Variants in MACF1 observed in about 807,000 individuals in gnomAD.
MACF1 encodes the protein microtubule-actin cross-linking factor 1.
A neutral mutation model predicts 854.8 loss-of-function variants in MACF1; 193 were observed. That is an observed-to-expected ratio of 0.23 (90% CI 0.20 to 0.25). The LOEUF is 0.25. MACF1 is among the 10% of genes least tolerant of loss of function. The probability of loss-of-function intolerance (pLI) is 1.00; values close to 1 mark genes in which losing one functional copy is unlikely to be tolerated. For missense variants in MACF1, 7,722 were observed against 8,929.1 expected (o/e 0.86, Z 5.45); for synonymous variants, 3,185 against 3,226.7 (o/e 0.99, Z 0.44).
chr1:39,479,785 A>G lies in MACF1; in HGVS notation c.21959-13A>G. On this transcript the variant is annotated splice_polypyrimidine_tract_variant and intron_variant, in intron 97 of 100. Coordinates refer to ENST00000564288, the MANE Select transcript of MACF1 (RefSeq NM_001394062.1). The stretch of plus-strand genomic sequence containing the variant: ...AAGAACTGACATTGTGTGTGTGTTT[A>G]TTTCCTTTTTAGCACGAGGTAGAAC... 6.2e-7 allele frequency: 1 copy of G among 1,611,192 alleles called. No homozygotes were observed.
At chr1:39,117,535 TG>T (rs1642578880) in intron 2 of MACF1, among the ~76,000 whole-genome samples, 1 of 68,734 alleles carries the variant, frequency 1.5e-5, no homozygotes, top group African/African-American at 3.4e-5. Flanking sequence ...CTGCAAGAGG[TG>T]TGTGTGTGTG....
chr1:39,445,585 T>G (rs1261543590), intron 80 of MACF1, among the ~76,000 whole-genome samples: 1 of 151,592 alleles, frequency 6.6e-6, no homozygotes, highest in Non-Finnish European at 1.5e-5. Flanking sequence ...GAGAGAAGCA[T>G]TAATTTCCTA....
rs1396139786 is a variant in MACF1, at chr1:39,333,107, A to G, written c.6519A>G (p.Glu2173=). The change falls in exon 37 of 101, where the codon GAA becomes GAG. Residue 2173 remains glutamate, a synonymous_variant. Coordinates refer to ENST00000564288, the MANE Select transcript of MACF1 (RefSeq NM_001394062.1). ...ACACTTCCTTTACATGTCAGAATGA[A>G]CAAGCACACACTCTTGAGACTGAAT... ...LRNTSFTCQN[E]QAHTLETEYI... is the part of the protein sequence containing the mutation. 1.2e-6 allele frequency: 2 copies of G among 1,614,172 alleles called. No homozygotes were observed. The highest frequency in any genetic ancestry group is 2.2e-5 in the South Asian group (2 of 91,082).
chr1:39,201,601 C>A (rs1644390517), upstream of MACF1, among the ~76,000 whole-genome samples: 1 of 152,142 alleles, frequency 6.6e-6, no homozygotes, highest in African/African-American at 2.4e-5. Flanking sequence ...ATCCACCTGC[C>A]TCGGCCTCCC....
intron 1 of MACF1, among the ~76,000 whole-genome samples, chr1:39,214,656 G>C (rs542937388): frequency 2.6e-5 from 4 of 152,348 alleles, no homozygotes; most frequent in African/African-American, 7.2e-5. Flanking sequence ...ACTCTGTAAA[G>C]TAGGTGGAAT....
chr1:39,156,598 G>T (rs1231652907), intron 2 of MACF1, among the ~76,000 whole-genome samples: 2 of 152,114 alleles, frequency 1.3e-5, no homozygotes, highest in Non-Finnish European at 2.9e-5. Flanking sequence ...CAGCCTGGGT[G>T]ACAGAACAAG....
intron 61 of MACF1, among the ~76,000 whole-genome samples, chr1:39,425,901 A>G (rs562796054): frequency 2.0e-4 from 30 of 152,210 alleles, no homozygotes; most frequent in African/African-American, 6.7e-4. Context: ...CTTTCCTTCT[A>G]CTTTACTTGT....
At position 39,251,920 on chromosome 1, in the gene MACF1, G is replaced by A. The variant is rs148817607; in HGVS notation, c.336G>A (p.Ala112=). ...SWCHTNNEEQ[A]EEDDDDVPRE... is the part of the protein sequence containing the mutation. ...GCCATACAAACAACGAGGAGCAGGC[G>A]GAGGAAGATGATGATGATGTAGTAG... is the stretch of plus-strand genomic sequence containing the variant. Residue 112 remains alanine (A), a synonymous_variant, in exon 4 of 101, where the codon GCG becomes GCA. Transcript: ENST00000564288. The A allele has an allele frequency of 2.7e-4, 415 of 1,515,350 alleles. 2 individuals are homozygous for A. In the African/African-American group the frequency reaches 4.9e-3, roughly 18 times the overall value. 93.9% of individuals were successfully genotyped at this position (1,515,350 alleles called of 1,614,324 possible).
chr1:39,396,355 G>GT (rs1642274542), intron 58 of MACF1, among the ~76,000 whole-genome samples: 1 of 149,664 alleles, frequency 6.7e-6, no homozygotes, highest in Non-Finnish European at 1.5e-5. Flanking sequence ...AAATATATCT[G>GT]TAACCAAAGA....
intron 40 of MACF1, among the ~76,000 whole-genome samples, chr1:39,346,235 G>C (rs972477143): frequency 1.3e-5 from 2 of 151,558 alleles, no homozygotes; most frequent in Non-Finnish European, 2.9e-5. Flanking sequence ...GGTGGCGGGC[G>C]CCTGTAGTCC....
In MACF1 at chr1:39,385,337, C is replaced by T. The variant is rs112451431; in HGVS notation, c.13849-97C>T. The T allele has an allele frequency of 0.045, 60,377 of 1,349,154 alleles. 1,604 individuals are homozygous for T. The highest frequency in any genetic ancestry group is 0.098 in the African/African-American group (6,718 of 68,608). The allele number at this position is 1,349,154 out of a possible 1,614,324, so 83.6% of individuals were successfully genotyped here. A position where few individuals can be genotyped will look rare whatever the true frequency, so the allele number is the denominator to read the frequency against. Reference sequence around the variant, plus strand: ...CCCACCTCGGCCTCCCAAAGTGCTGCGATTACAGGCATGAGCCACTGTGCC... The same window carrying T: ...CCCACCTCGGCCTCCCAAAGTGCTGTGATTACAGGCATGAGCCACTGTGCC... On this transcript the variant is annotated intron_variant, in intron 56 of 100. Transcript: ENST00000564288.
chr1:39,411,736 T>G, intron 58 of MACF1: 1 of 1,613,920 alleles, frequency 6.2e-7, no homozygotes, highest in Non-Finnish European at 8.5e-7. Context: ...GAATCAAATC[T>G]CTTCTGAAGG....
chr1:39,260,898 C>T (rs1645156243), intron 6 of MACF1, among the ~76,000 whole-genome samples: 1 of 152,010 alleles, frequency 6.6e-6, no homozygotes. Context: ...TCTTTTCCTA[C>T]ACACACAGAG....
intron 58 of MACF1, among the ~76,000 whole-genome samples, chr1:39,393,866 A>AG (rs775783891): frequency 2.3e-4 from 33 of 142,654 alleles, no homozygotes; most frequent in Admixed American, 1.4e-3. Context: ...AGAGAGAGAG[A>AG]AAGAAAGAGA....
intron 2 of MACF1, among the ~76,000 whole-genome samples, chr1:39,235,367 AGCCTGCAATCG>A: frequency 6.6e-6 from 1 of 152,372 alleles, no homozygotes; most frequent in African/African-American, 2.4e-5. Context: ...TGGTGGCGCG[AGCCTGCAATCG>A]CAGGCACTCG....
rs141234977 is a variant in MACF1, at chr1:39,361,600, A to C, written c.12694A>C (p.Met4232Leu). The C allele has an allele frequency of 3.6e-5, 58 of 1,614,118 alleles. No individual in the cohort carries two copies. Among genetic ancestry groups the C allele is most frequent in the Non-Finnish European group, 4.3e-5 (51 of 1,180,050 alleles). The change falls in exon 49 of 101, where the codon ATG becomes CTG. Residue 4232 changes from methionine (M) to leucine (L), a missense_variant. Transcript: ENST00000564288. Reference protein sequence around the residue: ...EHLSGKLQQFMENKSRMLASG... With the variant: ...EHLSGKLQQFLENKSRMLASG... ...CCTCTCTGGTAAGCTGCAGCAGTTC[A>C]TGGAAAACAAAAGTCGGATGCTGGC...
Position 39,279,398 on chromosome 1 carries a change from C to CT in MACF1, c.529-2800dup, listed in dbSNP as rs140715515. ...AAATATAGTGTTAAAGTTCCTGGCC[C>CT]TTTTTTTTTTCCAATTTTAAAATAT... is the stretch of plus-strand genomic sequence containing the variant. On this transcript the variant is annotated intron_variant, in intron 6 of 100. Transcript: ENST00000564288. Among the ~76,000 whole-genome samples, 74 of 148,556 alleles carry CT rather than the reference C, an allele frequency of 5.0e-4. 1 individual carries two copies. Among genetic ancestry groups the CT allele is most frequent in the South Asian group, 2.4e-3 (11 of 4,666 alleles).
At chr1:39,452,585 A>C (rs1644360208) in intron 86 of MACF1, 99 bp from the exon 87 acceptor site, 3 of 1,490,792 alleles carry the variant, frequency 2.0e-6, no homozygotes, top group Admixed American at 3.7e-5. Flanking sequence ...GAGGCCATGA[A>C]ATGTCTGAAT....
intron 2 of MACF1, among the ~76,000 whole-genome samples, chr1:39,232,072 GT>G (rs1644783674): frequency 6.7e-6 from 1 of 148,626 alleles, no homozygotes; most frequent in African/African-American, 2.5e-5. Context: ...ACAGAGGCAT[GT>G]TAAGACTCAC....
Sources: allele counts gnomAD v4.1 joint callset (sites outside exome capture counted in the v4.1 genomes callset), GRCh38; gene constraint gnomAD v4.1.1; transcripts MANE v1.5; gene names NCBI Gene and HGNC (gene_info 2026-07-23, HGNC 2026-07-21).